CCBE1: variants seen among roughly 807,000 people sequenced by gnomAD.
CCBE1 encodes collagen and calcium binding EGF domains 1, also known as collagen and calcium-binding EGF domain-containing protein 1.
A neutral mutation model predicts 50.0 loss-of-function variants in CCBE1; 37 were observed. The observed-to-expected ratio is 0.74, with a 90% confidence interval of 0.57 to 0.97. The LOEUF (loss-of-function observed/expected upper bound fraction) is 0.97, where lower values mean the gene tolerates loss of function less well. CCBE1 is among the 50% of genes least tolerant of loss of function. The probability of loss-of-function intolerance (pLI) is 0.00; values close to 1 mark genes in which losing one functional copy is unlikely to be tolerated. For synonymous variants in CCBE1, 234 were observed against 203.7 expected (o/e 1.15, Z -1.27); for missense variants, 538 against 523.8 (o/e 1.03, Z -0.26).
intron 2 of CCBE1, among the ~76,000 whole-genome samples, chr18:59,551,201 C>A (rs1272672768): frequency 6.6e-6 from 1 of 152,194 alleles, no homozygotes; most frequent in African/African-American, 2.4e-5. Flanking sequence ...ATGCTGTGGC[C>A]TATGCTCTCA....
chr18:59,654,769 T>A (rs1182027939), intron 2 of CCBE1, among the ~76,000 whole-genome samples: 1 of 126,538 alleles, frequency 7.9e-6, no homozygotes, highest in African/African-American at 3.1e-5. Context: ...TCCAGCCTGG[T>A]GACAGAGTGA....
chr18:59,529,288 C>T (rs570463892), intron 2 of CCBE1, among the ~76,000 whole-genome samples: 68 of 152,316 alleles, frequency 4.5e-4, no homozygotes, highest in Admixed American at 4.0e-3. Context: ...GGGAATTCCT[C>T]CCAGGTCCAA....
chr18:59,599,809 C>T (rs1407705031), intron 2 of CCBE1, among the ~76,000 whole-genome samples: 1 of 152,148 alleles, frequency 6.6e-6, no homozygotes, highest in Non-Finnish European at 1.5e-5. Context: ...CTGACAGGCT[C>T]CGAAACAGAC....
intron 2 of CCBE1, among the ~76,000 whole-genome samples, chr18:59,578,485 G>A (rs1298194593): frequency 6.6e-6 from 1 of 152,062 alleles, no homozygotes; most frequent in Non-Finnish European, 1.5e-5. Context: ...CTACTATAAA[G>A]GCACATACAC....
intron 2 of CCBE1, among the ~76,000 whole-genome samples, chr18:59,532,925 C>T (rs371328629): frequency 1.8e-4 from 28 of 152,302 alleles, no homozygotes; most frequent in East Asian, 1.7e-3. Flanking sequence ...GGAATTGTGA[C>T]CTCCTGCCTG....
intron 5 of CCBE1, among the ~76,000 whole-genome samples, chr18:59,458,059 T>A (rs945789956): frequency 6.6e-6 from 1 of 152,212 alleles, no homozygotes; most frequent in African/African-American, 2.4e-5. Flanking sequence ...TAGTCTTTCA[T>A]CCACTCCATC....
At position 59,448,168 on chromosome 18, in the gene CCBE1, T is replaced by C. The variant is rs192505935; in HGVS notation, c.655-65A>G. On this transcript the variant is annotated intron_variant, in intron 6 of 10. Coordinates refer to ENST00000439986, the MANE Select transcript of CCBE1 (RefSeq NM_133459.4). ...CAGAAGAGAGCCTCGGCATTTGTCTTGGTGGGAGAAGCTGCAAAGCCTTTT... is the reference window on the plus strand; with the variant it reads ...CAGAAGAGAGCCTCGGCATTTGTCTCGGTGGGAGAAGCTGCAAAGCCTTTT... 19 of 1,606,640 alleles carry C rather than the reference T, an allele frequency of 1.2e-5. No homozygotes were observed. In the East Asian group the frequency reaches 3.3e-4, roughly 28 times the overall value.
intron 2 of CCBE1, among the ~76,000 whole-genome samples, chr18:59,663,868 G>A (rs116787719): frequency 1.6e-4 from 24 of 152,290 alleles, no homozygotes; most frequent in African/African-American, 5.8e-4. Flanking sequence ...TTGGGAGGCT[G>A]GGAAGTTGGT....
intron 2 of CCBE1, among the ~76,000 whole-genome samples, chr18:59,677,966 G>A (rs1247114163): frequency 6.6e-6 from 1 of 152,194 alleles, no homozygotes; most frequent in Admixed American, 6.5e-5. Context: ...ACCGGGCTTA[G>A]AGTCAATAGC....
intron 2 of CCBE1, among the ~76,000 whole-genome samples, chr18:59,538,588 G>A (rs1915342891): frequency 6.6e-6 from 1 of 152,190 alleles, no homozygotes; most frequent in Admixed American, 6.5e-5. Context: ...ACCAAAGGGT[G>A]CTACACATGA....
intron 2 of CCBE1, among the ~76,000 whole-genome samples, chr18:59,689,427 C>A (rs970516769): frequency 6.6e-6 from 1 of 152,328 alleles, no homozygotes; most frequent in East Asian, 1.9e-4. Flanking sequence ...ACATATTCAT[C>A]CAAGCTTTCA....
intron 5 of CCBE1, among the ~76,000 whole-genome samples, chr18:59,460,254 G>A (rs145608003): frequency 0.013 from 2,031 of 152,252 alleles, 52 homozygotes; most frequent in Middle Eastern, 0.014. Flanking sequence ...TCTCCTCCTG[G>A]ATTCCTAACA....
chr18:59,634,912 C>T (rs1172569709), intron 2 of CCBE1, among the ~76,000 whole-genome samples: 2 of 152,074 alleles, frequency 1.3e-5, no homozygotes, highest in Non-Finnish European at 2.9e-5. Flanking sequence ...GATTAAGAGA[C>T]AGGGAGATGG....
chr18:59,553,901 T>G (rs1276208283), intron 2 of CCBE1, among the ~76,000 whole-genome samples: 5 of 152,260 alleles, frequency 3.3e-5, no homozygotes, highest in African/African-American at 1.2e-4. Context: ...GGCCAATAGC[T>G]TTCCCTTTCC....
intron 5 of CCBE1, among the ~76,000 whole-genome samples, chr18:59,459,701 TG>T (rs1911368149): frequency 6.6e-6 from 1 of 152,190 alleles, no homozygotes; most frequent in Non-Finnish European, 1.5e-5. Context: ...GAACAAAGCA[TG>T]TTTGTGTTTA....
intron 2 of CCBE1, among the ~76,000 whole-genome samples, chr18:59,526,887 T>G (rs1914845151): frequency 6.6e-6 from 1 of 152,226 alleles, no homozygotes; most frequent in African/African-American, 2.4e-5. Flanking sequence ...TTTTTATGAT[T>G]TCAGTTCTTT....
intron 5 of CCBE1, 36 bp from the exon 6 acceptor site, chr18:59,454,987 G>A (rs1053364001): frequency 9.0e-6 from 14 of 1,549,840 alleles, no homozygotes; most frequent in Non-Finnish European, 1.2e-5. Flanking sequence ...TGTCTGGGAG[G>A]CTGGATGCAA....
intron 2 of CCBE1, among the ~76,000 whole-genome samples, chr18:59,632,605 T>C (rs1470778769): frequency 6.6e-6 from 1 of 151,520 alleles, no homozygotes; most frequent in Non-Finnish European, 1.5e-5. Context: ...GTTTTTGTTT[T>C]TGAGATGGAG....
chr18:59,676,284 G>A (rs1599127284), intron 2 of CCBE1, among the ~76,000 whole-genome samples: 1 of 152,316 alleles, frequency 6.6e-6, no homozygotes, highest in East Asian at 1.9e-4. Flanking sequence ...CTTGGGCACT[G>A]TTGTTTTCGC....
Sources: gnomAD v4.1 joint callset for allele counts (sites outside exome capture counted in the v4.1 genomes callset) on GRCh38, gnomAD v4.1.1 for gene constraint, MANE v1.5 for transcripts, NCBI Gene and HGNC (gene_info 2026-07-23, HGNC 2026-07-21) for gene names.